Variants in ABLIM3 observed in about 807,000 individuals in gnomAD.
The protein encoded by ABLIM3 is actin binding LIM protein family member 3.
Under a neutral mutation model 109.5 loss-of-function variants are expected in ABLIM3, and 61 were observed. The observed-to-expected ratio is 0.56, with a 90% CI of 0.45 to 0.69. The LOEUF is 0.69. ABLIM3 is among the 30% of genes least tolerant of loss of function. The pLI is 0.00. For synonymous variants in ABLIM3, 300 were observed against 324.8 expected, an observed-to-expected ratio of 0.92 and a Z score of 0.82; for missense variants, 796 against 889.5, an observed-to-expected ratio of 0.89 and a Z score of 1.34.
rs80026442 is a variant in ABLIM3, at chr5:149,242,059, C to A, written c.1304-432C>A. 1.9e-3 allele frequency among the ~76,000 whole-genome samples: 284 copies of A among 152,294 alleles called. 5 individuals are homozygous for A. The East Asian group carries it at 0.049, about 26-fold the overall frequency. ...CTTCCTCAGCTGCCCTAGAGGGGTCCCATCCTGTCTGTCTTTGAGGGAGGG... is the reference window on the plus strand; with the variant it reads ...CTTCCTCAGCTGCCCTAGAGGGGTCACATCCTGTCTGTCTTTGAGGGAGGG... On this transcript the variant is annotated intron_variant, in intron 14 of 23. Transcript: ENST00000309868.
intron 22 of ABLIM3, 124 bp downstream of exon 22, chr5:149,252,332 T>C: frequency 9.1e-7 from 1 of 1,097,468 alleles, no homozygotes; most frequent in East Asian, 2.6e-5. Flanking sequence ...ACCCCAGGGG[T>C]CCTTTCAAGA....
chr5:149,200,524 G>C, intron 5 of ABLIM3, 96 bp downstream of exon 5: 3 of 1,311,982 alleles, frequency 2.3e-6, no homozygotes, highest in Non-Finnish European at 2.2e-6. Flanking sequence ...GGCCTGGAGG[G>C]AAGTGGGAGA....
chr5:149,231,517 G>C (rs182055980), intron 9 of ABLIM3, among the ~76,000 whole-genome samples: 1 of 152,308 alleles, frequency 6.6e-6, no homozygotes, highest in East Asian at 1.9e-4. Context: ...TATCCAACTA[G>C]AAAAGCAAGT....
At chr5:149,141,800 C>T in intron 1 of ABLIM3, 146 bp downstream of exon 1, 1 of 485,736 alleles carries the variant, frequency 2.1e-6, no homozygotes, top group Non-Finnish European at 3.7e-6. Flanking sequence ...GCGCTGCCAA[C>T]CCCACTTCTG....
In ABLIM3 at chr5:149,216,984, C is replaced by T. The variant is rs116226381; in HGVS notation, c.695C>T (p.Thr232Ile). ...GCAGGAGGGAAGCACTACCACCCAA[C>T]CTGTGCCAGGTGTGTACGCTGCCAC... ...LEAGGKHYHP[T>I]CARCVRCHQM... The change falls in exon 8 of 24, where the codon ACC becomes ATC. Residue 232 changes from threonine (T) to isoleucine (I), a missense_variant. Thr to Ile is a moderately conservative substitution (Grantham distance 89). Transcript: ENST00000309868. 3.5e-3 allele frequency: 5,654 copies of T among 1,614,206 alleles called. 14 individuals are homozygous for T. The highest frequency in any genetic ancestry group is 5.4e-3 in the Middle Eastern group (33 of 6,062).
intron 16 of ABLIM3, 89 bp downstream of exon 16, chr5:149,245,104 A>G (rs1753221044): frequency 1.3e-6 from 2 of 1,519,114 alleles, no homozygotes; most frequent in Admixed American, 3.7e-5. Flanking sequence ...TCCTTTATAC[A>G]ATCATTCTGA....
At chr5:149,147,069 T>TTCTC (rs200724498) in intron 2 of ABLIM3, among the ~76,000 whole-genome samples, 16,658 of 148,648 alleles carry the variant, frequency 0.11, 1,117 homozygotes, top group African/African-American at 0.2. Flanking sequence ...CTCTCTCTCT[T>TTCTC]TCTCTCTCTC....
intron 2 of ABLIM3, among the ~76,000 whole-genome samples, chr5:149,169,510 T>G (rs751576697): frequency 1.7e-4 from 26 of 152,128 alleles, no homozygotes; most frequent in Non-Finnish European, 3.4e-4. Context: ...TTAAATTAAA[T>G]CATTAGCAAA....
In ABLIM3 at chr5:149,212,460, A is replaced by ATG. The variant is rs1200398753; in HGVS notation, c.669+1643_669+1644dup. Among the ~76,000 whole-genome samples, 3 of 152,160 alleles carry ATG rather than the reference A, an allele frequency of 2.0e-5. No individual in the cohort carries two copies. In the East Asian group the frequency reaches 5.8e-4, roughly 29 times the overall value. On this transcript the variant is annotated intron_variant, in intron 7 of 23. Transcript: ENST00000309868. ...GGGCTTCTGGGAGGATGACGTGATA[A>ATG]TGTACACAGGCTACATTTGAAGGAA... is the stretch of plus-strand genomic sequence containing the variant.
intron 5 of ABLIM3, among the ~76,000 whole-genome samples, chr5:149,205,563 A>G (rs557314659): frequency 6.6e-6 from 1 of 152,272 alleles, no homozygotes; most frequent in African/African-American, 2.4e-5. Flanking sequence ...TATCTGTAAA[A>G]GAGAAGGGGG....
intron 2 of ABLIM3, among the ~76,000 whole-genome samples, chr5:149,148,901 A>G (rs1753171976): frequency 6.6e-6 from 1 of 152,004 alleles, no homozygotes; most frequent in African/African-American, 2.4e-5. Context: ...CACTTCACCA[A>G]GGCTGGCCTC....
At chr5:149,212,941 A>G (rs1256753499) in intron 7 of ABLIM3, among the ~76,000 whole-genome samples, 2 of 152,176 alleles carry the variant, frequency 1.3e-5, no homozygotes, top group Non-Finnish European at 2.9e-5. Flanking sequence ...CCTAGGCAAC[A>G]CAGTGAGACT....
chr5:149,207,651 G>A (rs1028901789), intron 6 of ABLIM3, among the ~76,000 whole-genome samples: 2 of 152,206 alleles, frequency 1.3e-5, no homozygotes, highest in African/African-American at 2.4e-5. Flanking sequence ...TCAGACTTGA[G>A]AGAGTAAATA....
chr5:149,233,296 T>C lies in ABLIM3; in HGVS notation c.884T>C (p.Ile295Thr), dbSNP rs765150498. 8 of 1,614,114 alleles carry C rather than the reference T, an allele frequency of 5.0e-6. No individual in the cohort carries two copies. Among genetic ancestry groups the C allele is most frequent in the Admixed American group, 3.3e-5 (2 of 60,022 alleles). Reference sequence around the variant, plus strand: ...AGCATTGGGTCACCCAACCGAGTCATCTGCGTATGTATCACTTTTCTACCA... The same window carrying C: ...AGCATTGGGTCACCCAACCGAGTCACCTGCGTATGTATCACTTTTCTACCA... ...GSSIGSPNRV[I>T]CAKVDNEILN... is the part of the protein sequence containing the mutation. Residue 295 changes from isoleucine to threonine, a missense_variant, in exon 10 of 24, where the codon ATC (isoleucine) becomes ACC (threonine). Coordinates refer to ENST00000309868, the MANE Select transcript of ABLIM3 (RefSeq NM_014945.5).
chr5:149,153,198 A>G (rs950916671), intron 2 of ABLIM3, among the ~76,000 whole-genome samples: 1 of 152,206 alleles, frequency 6.6e-6, no homozygotes, highest in African/African-American at 2.4e-5. Flanking sequence ...TCTTAAGAAA[A>G]CAAAAGCAAA....
chr5:149,240,287 A>G (rs1271578159), intron 13 of ABLIM3, among the ~76,000 whole-genome samples: 1 of 152,184 alleles, frequency 6.6e-6, no homozygotes, highest in Non-Finnish European at 1.5e-5. Flanking sequence ...GACCATCCAC[A>G]GTCACCCTCA....
chr5:149,233,415 G>A, intron 10 of ABLIM3, 115 bp downstream of exon 10: 1 of 1,067,418 alleles, frequency 9.4e-7, no homozygotes, highest in Non-Finnish European at 1.4e-6. Flanking sequence ...TTTGATGCAT[G>A]CTCTTCATGT....
At chr5:149,194,154 A>G (rs1047870566) in intron 3 of ABLIM3, among the ~76,000 whole-genome samples, 3 of 152,244 alleles carry the variant, frequency 2.0e-5, no homozygotes, top group Admixed American at 6.5e-5. Flanking sequence ...CCCAAATTGC[A>G]GAAGATATTT....
intron 7 of ABLIM3, among the ~76,000 whole-genome samples, chr5:149,216,216 T>C (rs1033622817): frequency 3.3e-5 from 5 of 152,224 alleles, no homozygotes; most frequent in African/African-American, 9.6e-5. Context: ...TTGCCATGTC[T>C]GTGAACCTCG....
Sources: gnomAD v4.1 joint callset for allele counts (sites outside exome capture counted in the v4.1 genomes callset) on GRCh38, gnomAD v4.1.1 for gene constraint, MANE v1.5 for transcripts, NCBI Gene and HGNC (gene_info 2026-07-23, HGNC 2026-07-21) for gene names.